ZBTB7C: variants seen among roughly 807,000 people sequenced by gnomAD.
The protein encoded by ZBTB7C is zinc finger and BTB domain containing 7C.
In ZBTB7C, 8 loss-of-function variants were observed where a neutral mutation model predicts 25.7. The ratio of observed to expected loss-of-function variants is 0.31; its 90% confidence interval spans 0.18 to 0.56. The LOEUF (loss-of-function observed/expected upper bound fraction) is 0.56. Among genes scored for constraint, ZBTB7C ranks in the 20% least tolerant of loss-of-function variants. The probability of loss-of-function intolerance (pLI) is 0.91; values close to 1 mark genes in which losing one functional copy is unlikely to be tolerated. For synonymous variants in ZBTB7C, 394 were observed against 369.0 expected (o/e 1.07, Z -0.78); for missense variants, 824 against 855.2 (o/e 0.96, Z 0.46).
intron 3 of ZBTB7C, among the ~76,000 whole-genome samples, chr18:48,090,048 C>A (rs9956341): frequency 6.6e-6 from 1 of 152,204 alleles, no homozygotes; most frequent in East Asian, 1.9e-4. Flanking sequence ...CCCTTCCCAC[C>A]CTTGGCCAGA....
At chr18:48,093,125 CTG>C (rs1201610911) in intron 3 of ZBTB7C, among the ~76,000 whole-genome samples, 2 of 152,204 alleles carry the variant, frequency 1.3e-5, no homozygotes, top group African/African-American at 4.8e-5. Context: ...AGAGGGGAGA[CTG>C]TATTAACAGA....
At chr18:48,245,221 G>A (rs892429909) in intron 2 of ZBTB7C, among the ~76,000 whole-genome samples, 15 of 151,274 alleles carry the variant, frequency 9.9e-5, no homozygotes, top group African/African-American at 3.6e-4. Context: ...AGTAACTCAG[G>A]AATGGAAAAC....
At chr18:48,061,084 C>CA (rs2037109632) in intron 3 of ZBTB7C, among the ~76,000 whole-genome samples, 3 of 152,212 alleles carry the variant, frequency 2.0e-5, no homozygotes, top group African/African-American at 7.2e-5. Context: ...GTTTACCACG[C>CA]AGTGAGCAAG....
chr18:48,343,351 TGAGAG>T (rs559036666), intron 1 of ZBTB7C, among the ~76,000 whole-genome samples: 7 of 152,244 alleles, frequency 4.6e-5, no homozygotes, highest in Non-Finnish European at 8.8e-5. Context: ...CCATGAACAG[TGAGAG>T]GAATTTGTCC....
chr18:48,058,774 A>G (rs933219642), intron 3 of ZBTB7C, among the ~76,000 whole-genome samples: 5 of 152,202 alleles, frequency 3.3e-5, no homozygotes, highest in African/African-American at 1.2e-4. Flanking sequence ...TATAAGAGAT[A>G]TTGCCACATT....
intron 3 of ZBTB7C, among the ~76,000 whole-genome samples, chr18:48,170,462 G>A (rs2145021586): frequency 6.6e-6 from 1 of 152,356 alleles, no homozygotes; most frequent in East Asian, 1.9e-4. Context: ...TGGATTTGAG[G>A]GGAGGCAGAG....
At chr18:48,039,115 A>T (rs982218736) in intron 4 of ZBTB7C, among the ~76,000 whole-genome samples, 1 of 152,244 alleles carries the variant, frequency 6.6e-6, no homozygotes. Flanking sequence ...TCTATGAAAG[A>T]TGAAAGGTTT....
chr18:48,376,809 C>T (rs1214718671), intron 1 of ZBTB7C, among the ~76,000 whole-genome samples: 1 of 152,224 alleles, frequency 6.6e-6, no homozygotes, highest in Non-Finnish European at 1.5e-5. Context: ...AGAGCTACCC[C>T]AGGCATCAAT....
chr18:48,386,446 T>C (rs1329731725), intron 1 of ZBTB7C, among the ~76,000 whole-genome samples: 1 of 121,660 alleles, frequency 8.2e-6, no homozygotes, highest in Non-Finnish European at 1.8e-5. Flanking sequence ...AGTGAGTGGA[T>C]GTCAACAAAG....
At chr18:48,224,551 C>T (rs2043042144) in intron 2 of ZBTB7C, among the ~76,000 whole-genome samples, 2 of 152,160 alleles carry the variant, frequency 1.3e-5, no homozygotes, top group Non-Finnish European at 2.9e-5. Context: ...CAGGGCATCC[C>T]TGTCCTTCAT....
intron 3 of ZBTB7C, among the ~76,000 whole-genome samples, chr18:48,158,579 A>G (rs780011136): frequency 2.0e-5 from 3 of 151,958 alleles, no homozygotes; most frequent in Non-Finnish European, 4.4e-5. Context: ...GTTTGGAGGA[A>G]GCATTCTGGG....
intron 1 of ZBTB7C, among the ~76,000 whole-genome samples, chr18:48,385,096 T>A (rs1486855172): frequency 6.6e-6 from 1 of 152,206 alleles, no homozygotes; most frequent in Non-Finnish European, 1.5e-5. Flanking sequence ...TGACTCATGG[T>A]GCTAGGTGCA....
At chr18:48,242,499 C>G (rs550919114) in intron 2 of ZBTB7C, among the ~76,000 whole-genome samples, 1 of 152,082 alleles carries the variant, frequency 6.6e-6, no homozygotes. Context: ...AGATAATATA[C>G]CATGATCGAG....
intron 1 of ZBTB7C, among the ~76,000 whole-genome samples, chr18:48,344,828 G>A (rs2046690451): frequency 6.6e-6 from 1 of 152,204 alleles, no homozygotes; most frequent in African/African-American, 2.4e-5. Flanking sequence ...GGACCATGAA[G>A]GTTGTGCTGT....
intron 3 of ZBTB7C, among the ~76,000 whole-genome samples, chr18:48,156,419 G>T (rs2040842744): frequency 6.6e-6 from 1 of 152,136 alleles, no homozygotes; most frequent in African/African-American, 2.4e-5. Context: ...CTGTCTAATG[G>T]GCAAATCCTG....
chr18:48,409,744 G>C (rs1189556862), upstream of ZBTB7C, among the ~76,000 whole-genome samples: 1 of 152,034 alleles, frequency 6.6e-6, no homozygotes, highest in East Asian at 1.9e-4. Context: ...AGGCGGAGTG[G>C]GGGGGCCGGG....
At chr18:48,347,487 C>T (rs922736050) in intron 1 of ZBTB7C, among the ~76,000 whole-genome samples, 4 of 152,034 alleles carry the variant, frequency 2.6e-5, no homozygotes, top group Non-Finnish European at 5.9e-5. Flanking sequence ...AGACGCAGAA[C>T]TGACTGGCAG....
chr18:48,349,503 G>A (rs2046815765), intron 1 of ZBTB7C, among the ~76,000 whole-genome samples: 4 of 152,166 alleles, frequency 2.6e-5, no homozygotes, highest in Middle Eastern at 3.2e-3. Context: ...TACATAAGGG[G>A]GCGTGTGGTC....
At chr18:48,101,651 T>G (rs1165734672) in intron 3 of ZBTB7C, among the ~76,000 whole-genome samples, 1 of 152,200 alleles carries the variant, frequency 6.6e-6, no homozygotes, top group African/African-American at 2.4e-5. Flanking sequence ...CCCCATCAAG[T>G]AGATACTATT....
Sources: gnomAD v4.1 joint callset for allele counts (sites outside exome capture counted in the v4.1 genomes callset) on GRCh38, gnomAD v4.1.1 for gene constraint, MANE v1.5 for transcripts, NCBI Gene and HGNC (gene_info 2026-07-23, HGNC 2026-07-21) for gene names.